SGCD: variants seen among roughly 807,000 people sequenced by gnomAD.
SGCD encodes the protein sarcoglycan delta.
In SGCD, 18 loss-of-function variants were observed where a neutral mutation model predicts 36.6. The observed-to-expected ratio is 0.49, with a 90% CI of 0.34 to 0.73. SGCD has a LOEUF of 0.73. Among genes scored for constraint, SGCD ranks in the 30% least tolerant of loss-of-function variants. SGCD has a pLI of 0.01. For missense variants in SGCD, 387 were observed against 346.7 expected (o/e 1.12, Z -0.92); for synonymous variants, 133 against 130.6 (o/e 1.02, Z -0.12).
chr5:155,779,640 A>C, the SGCD span, among the ~76,000 whole-genome samples: 6,731 of 152,108 alleles, frequency 0.044, 320 homozygotes, highest in African/African-American at 0.12. Flanking sequence ...CCTCTTGAGA[A>C]TCTATGTGAG....
At chr5:155,796,044 C>G in the SGCD span, among the ~76,000 whole-genome samples, 1 of 152,146 alleles carries the variant, frequency 6.6e-6, no homozygotes, top group Non-Finnish European at 1.5e-5. Context: ...TTCTCTACAA[C>G]CAATAGAACA....
chr5:156,352,972 C>A (rs1363302325), intron 3 of SGCD, among the ~76,000 whole-genome samples: 1 of 152,188 alleles, frequency 6.6e-6, no homozygotes, highest in East Asian at 1.9e-4. Flanking sequence ...ATGTCTAAAA[C>A]ATGGTTTATT....
At chr5:156,098,599 GTA>G (rs72288706) in intron 1 of SGCD, among the ~76,000 whole-genome samples, 66,882 of 147,298 alleles carry the variant, frequency 0.45, 16,194 homozygotes, top group African/African-American at 0.67. Context: ...GTGTGTATGT[GTA>G]TATATATATA....
At chr5:155,890,540 T>C (rs1371889787) in intron 1 of SGCD, among the ~76,000 whole-genome samples, 1 of 151,958 alleles carries the variant, frequency 6.6e-6, no homozygotes, top group Non-Finnish European at 1.5e-5. Context: ...CCCGGGAGGT[T>C]GAGGCTGCAG....
chr5:155,942,192 C>A (rs564400903), intron 1 of SGCD, among the ~76,000 whole-genome samples: 2 of 152,042 alleles, frequency 1.3e-5, no homozygotes, highest in African/African-American at 4.8e-5. Flanking sequence ...TGGACAAAAG[C>A]AAACAAATTG....
In SGCD at chr5:156,228,700, G is replaced by A. The variant is rs192137092; in HGVS notation, c.-43-100834G>A. ...TCATGCTATTTGTTGCCTGTATACC[G>A]TGGTTTTTTGTTTTTGTTTTTTAAA... On this transcript the variant is annotated intron_variant, in intron 3 of 9. Coordinates refer to the SGCD transcript ENST00000517913. Among the ~76,000 whole-genome samples the A allele has an allele frequency of 3.1e-3, 468 of 152,144 alleles. 11 individuals are homozygous for A. In the South Asian group the frequency reaches 0.038, roughly 12 times the overall value.
intron 7 of SGCD, among the ~76,000 whole-genome samples, chr5:156,676,234 C>T (rs867242546): frequency 1.3e-5 from 2 of 152,170 alleles, no homozygotes; most frequent in African/African-American, 4.8e-5. Flanking sequence ...TTTCATGTGG[C>T]TTGGGTAGAC....
At chr5:156,096,600 T>C (rs1761382114) in intron 1 of SGCD, among the ~76,000 whole-genome samples, 1 of 152,118 alleles carries the variant, frequency 6.6e-6, no homozygotes, top group African/African-American at 2.4e-5. Flanking sequence ...CGTCAGGTAA[T>C]CTCCTAGTTG....
Position 156,143,901 on chromosome 5 carries a change from A to G in SGCD, c.-44+19882A>G, listed in dbSNP as rs547534067. 3.4e-4 allele frequency among the ~76,000 whole-genome samples: 32 copies of G among 95,218 alleles called. No homozygotes were observed. In the South Asian group the frequency reaches 0.013, roughly 39 times the overall value. The allele number at this position is 95,218 out of a possible 152,430, so 62.5% of individuals were successfully genotyped here. A position where few individuals can be genotyped will look rare whatever the true frequency, so the allele number is the denominator to read the frequency against. On this transcript the variant is annotated intron_variant, in intron 3 of 9. Coordinates refer to the SGCD transcript ENST00000517913. ...ATCCCTCCCCCCTCCCCCCACCCCA[A>G]AACAGACCCCGGAGTGTGATGTTCC...
At chr5:156,497,618 G>C (rs937124356) in intron 3 of SGCD, among the ~76,000 whole-genome samples, 1 of 145,674 alleles carries the variant, frequency 6.9e-6, no homozygotes, top group African/African-American at 2.6e-5. Context: ...ACTTGTGCGC[G>C]TGCTTTCTCT....
intron 1 of SGCD, among the ~76,000 whole-genome samples, chr5:155,966,040 T>A (rs554661415): frequency 1.3e-5 from 2 of 152,202 alleles, no homozygotes; most frequent in South Asian, 4.1e-4. Flanking sequence ...AAAATCATCA[T>A]TAAAAGGTTA....
intron 1 of SGCD, among the ~76,000 whole-genome samples, chr5:155,919,004 T>C (rs1339164424): frequency 1.3e-5 from 2 of 152,250 alleles, no homozygotes; most frequent in Admixed American, 1.3e-4. Flanking sequence ...ATATGCATTG[T>C]TTCCATAGAG....
At chr5:156,476,670 G>A (rs1222976228) in intron 3 of SGCD, among the ~76,000 whole-genome samples, 2 of 152,196 alleles carry the variant, frequency 1.3e-5, no homozygotes, top group African/African-American at 4.8e-5. Context: ...GCACACAAGG[G>A]AATTGGAACA....
chr5:156,458,790 A>C (rs1412961686), intron 3 of SGCD, among the ~76,000 whole-genome samples: 1 of 152,212 alleles, frequency 6.6e-6, no homozygotes, highest in African/African-American at 2.4e-5. Flanking sequence ...GAGCATGATG[A>C]GAATCACATG....
At chr5:156,324,032 A>C (rs2127697790), upstream of SGCD, among the ~76,000 whole-genome samples, 1 of 152,370 alleles carries the variant, frequency 6.6e-6, no homozygotes, top group South Asian at 2.1e-4. Flanking sequence ...AAACTGTCAA[A>C]TTATACTTTT....
intron 4 of SGCD, among the ~76,000 whole-genome samples, chr5:156,541,841 T>G (rs1457911394): frequency 6.6e-6 from 1 of 152,154 alleles, no homozygotes; most frequent in Non-Finnish European, 1.5e-5. Context: ...GTCGTAGCAT[T>G]GGCAAATACA....
chr5:156,702,138 G>C (rs933977649), intron 7 of SGCD, among the ~76,000 whole-genome samples: 2 of 151,972 alleles, frequency 1.3e-5, no homozygotes, highest in South Asian at 2.1e-4. Flanking sequence ...TCCTTCTCTG[G>C]GTCTATATGC....
the SGCD span, among the ~76,000 whole-genome samples, chr5:155,812,604 G>C: frequency 6.6e-6 from 1 of 152,242 alleles, no homozygotes; most frequent in Middle Eastern, 3.4e-3. Flanking sequence ...TAATTAATCA[G>C]AAGAACAGGC....
chr5:156,764,713 G>A lies in SGCD; in HGVS notation c.*5323G>A, dbSNP rs548299851. The A allele has an allele frequency of 6.6e-6, 1 of 152,278 alleles. No homozygotes were observed. The highest frequency in any genetic ancestry group is 2.1e-4 in the South Asian group (1 of 4,816). The allele number at this position is 152,278 out of a possible 1,614,324, so 9.4% of individuals were successfully genotyped here. On this transcript the variant is annotated 3_prime_UTR_variant, in exon 9 of 9. Transcript: ENST00000337851. ...GGAGGAAATGAGCATCCTTATTTGA[G>A]AAAGAGCAAGAATGTCATGAGCCCT...
Sources: gnomAD v4.1 joint callset for allele counts (sites outside exome capture counted in the v4.1 genomes callset) on GRCh38, gnomAD v4.1.1 for gene constraint, MANE v1.5 for transcripts, NCBI Gene and HGNC (gene_info 2026-07-23, HGNC 2026-07-21) for gene names.